Variants in ALMS1 observed in about 807,000 individuals in gnomAD.
The protein encoded by ALMS1 is ALMS1 centrosome and basal body associated protein.
ALMS1 carries 271 observed loss-of-function variants against 352.2 expected under a neutral mutation model. That is an observed-to-expected ratio of 0.77 (90% confidence interval 0.70 to 0.85). The LOEUF is 0.85. Among genes scored for constraint, ALMS1 ranks in the 40% least tolerant of loss-of-function variants. The pLI, the probability that ALMS1 is intolerant of heterozygous loss-of-function variation, is 0.00. For missense variants in ALMS1, 5,445 were observed against 4,870.7 expected (o/e 1.12, Z -3.51); for synonymous variants, 1,865 against 1,761.2 (o/e 1.06, Z -1.48).
chr2:73,425,023 T>G, intron 5 of ALMS1, 121 bp downstream of exon 5: 2 of 787,672 alleles, frequency 2.5e-6, no homozygotes, highest in Non-Finnish European at 4.0e-6. Context: ...GAGGGAACTT[T>G]GCACCACCCA....
chr2:73,425,011 A>G (rs1185630753), intron 5 of ALMS1, 109 bp downstream of exon 5: 2 of 935,170 alleles, frequency 2.1e-6, no homozygotes, highest in Non-Finnish European at 3.2e-6. Context: ...CCATGGAACA[A>G]AGAGGGAACT....
chr2:73,393,155 G>A (rs1670684608), intron 1 of ALMS1, among the ~76,000 whole-genome samples: 1 of 148,450 alleles, frequency 6.7e-6, no homozygotes, highest in African/African-American at 2.6e-5. Context: ...TTTACTATTG[G>A]ATTGTAAGAA....
chr2:73,552,688 C>T (rs945580821), intron 13 of ALMS1, among the ~76,000 whole-genome samples: 1 of 152,172 alleles, frequency 6.6e-6, no homozygotes, highest in Non-Finnish European at 1.5e-5. Context: ...TCCTTAGTAG[C>T]CATTTCACCT....
chr2:73,385,943 A>AGGAG lies in ALMS1; in HGVS notation c.76_77insGAGG (p.Glu26GlyfsTer102), dbSNP rs779179743. Reference sequence around the variant, plus strand: ...AGGAGGAGGAGGAGGAGGAGGAGGAAGAGGAGGAGGCTGCAGCGGCGGCGG... The same window carrying AGGAG: ...AGGAGGAGGAGGAGGAGGAGGAGGAAGGAGGAGGAGGAGGCTGCAGCGGCGGCGG... On this transcript the variant is annotated frameshift_variant, in exon 1 of 23. Coordinates refer to ENST00000613296, the MANE Select transcript of ALMS1 (RefSeq NM_001378454.1). LOFTEE classifies it high-confidence loss of function. 1.0e-4 allele frequency: 77 copies of AGGAG among 735,478 alleles called. No individual in the cohort carries two copies. In the Admixed American group the frequency reaches 1.5e-3, roughly 14 times the overall value. The allele number at this position is 735,478 out of a possible 1,614,324, so 45.6% of individuals were successfully genotyped here. A position where few individuals can be genotyped will look rare whatever the true frequency, so the allele number is the denominator to read the frequency against.
rs566648077 is a variant in ALMS1 at position 73,454,070 on chromosome 2, A to G, written c.7540+3A>G. 3.6e-5 allele frequency: 58 copies of G among 1,606,218 alleles called. No homozygotes were observed. The South Asian group carries it at 5.9e-4, about 16-fold the overall frequency. Reference sequence around the variant, plus strand: ...GGAAAGCCGGGTACGAGCACATGGTAAGAAGAAAGTTTCAGGCTTATAAAC... The same window carrying G: ...GGAAAGCCGGGTACGAGCACATGGTGAGAAGAAAGTTTCAGGCTTATAAAC... On this transcript the variant is annotated splice_donor_region_variant and intron_variant, in intron 8 of 22. Coordinates refer to ENST00000613296, the MANE Select transcript of ALMS1 (RefSeq NM_001378454.1).
chr2:73,577,428 C>G (rs1041343737), intron 16 of ALMS1, among the ~76,000 whole-genome samples: 1 of 151,182 alleles, frequency 6.6e-6, no homozygotes, highest in Admixed American at 6.6e-5. Flanking sequence ...TCATTTATCT[C>G]CATTGAATCT....
At chr2:73,478,006 T>C (rs1233411888) in intron 9 of ALMS1, among the ~76,000 whole-genome samples, 1 of 152,206 alleles carries the variant, frequency 6.6e-6, no homozygotes, top group Non-Finnish European at 1.5e-5. Flanking sequence ...TGATACTGAA[T>C]AGAAGAGGTA....
At chr2:73,558,838 A>G in intron 14 of ALMS1, 134 bp from the exon 15 acceptor site, 1 of 962,292 alleles carries the variant, frequency 1.0e-6, no homozygotes, top group Non-Finnish European at 1.5e-6. Context: ...ATTATTTTCT[A>G]AACGCATTTC....
At chr2:73,586,458 T>C (rs1389174131) in intron 16 of ALMS1, among the ~76,000 whole-genome samples, 1 of 152,220 alleles carries the variant, frequency 6.6e-6, no homozygotes, top group Admixed American at 6.5e-5. Context: ...TTCATTCTCC[T>C]ATATGTGGCT....
At chr2:73,556,949 G>A (rs937100162) in intron 13 of ALMS1, among the ~76,000 whole-genome samples, 4 of 151,992 alleles carry the variant, frequency 2.6e-5, no homozygotes, top group African/African-American at 7.2e-5. Context: ...TGATCCACCC[G>A]CCTCAGCCTC....
At chr2:73,568,464 A>G (rs1313101294) in intron 15 of ALMS1, among the ~76,000 whole-genome samples, 1 of 152,228 alleles carries the variant, frequency 6.6e-6, no homozygotes, top group Non-Finnish European at 1.5e-5. Context: ...TTGGAAGAAT[A>G]AACTATTGGA....
chr2:73,392,514 C>T (rs760879078), intron 1 of ALMS1, among the ~76,000 whole-genome samples: 12 of 152,122 alleles, frequency 7.9e-5, no homozygotes, highest in South Asian at 4.1e-4. Context: ...TGATATCCCC[C>T]GTCTTCCATT....
chr2:73,404,536 T>G (rs2103665559), intron 1 of ALMS1, among the ~76,000 whole-genome samples: 1 of 152,262 alleles, frequency 6.6e-6, no homozygotes, highest in South Asian at 2.1e-4. Context: ...TCATTTGAGA[T>G]GATCATGTGG....
At chr2:73,402,589 C>T (rs963248112) in intron 1 of ALMS1, among the ~76,000 whole-genome samples, 1 of 152,118 alleles carries the variant, frequency 6.6e-6, no homozygotes, top group African/African-American at 2.4e-5. Context: ...CTTTAGAAAA[C>T]TTTATACTGT....
Position 73,572,800 on chromosome 2 carries a change from A to C in ALMS1, c.10923A>C (p.Thr3641=), listed in dbSNP as rs879223990. 1 of 1,613,988 alleles carries C rather than the reference A, an allele frequency of 6.2e-7. No homozygotes were observed. The highest frequency in any genetic ancestry group is 1.3e-5 in the African/African-American group (1 of 74,926). Residue 3641 remains threonine, a synonymous_variant, in exon 16 of 23, where the codon ACA becomes ACC. Transcript: ENST00000613296. ...RLAKILQNPI[T]HSLQVSESTH... ...CTAAAATTCTTCAGAATCCAATCAC[A>C]CATTCTCTCCAGGTCTCAGAAAGTA...
intron 11 of ALMS1, among the ~76,000 whole-genome samples, chr2:73,528,179 C>T (rs970255782): frequency 1.3e-5 from 2 of 152,076 alleles, no homozygotes; most frequent in African/African-American, 4.8e-5. Flanking sequence ...TATGACCTGT[C>T]CTTGAGAATG....
intron 14 of ALMS1, 99 bp from the exon 15 acceptor site, chr2:73,558,873 C>T (rs955536665): frequency 2.3e-6 from 3 of 1,281,036 alleles, no homozygotes; most frequent in African/African-American, 3.0e-5. Context: ...TCTTCAATAT[C>T]AGTAACAAAG....
chr2:73,462,814 C>T (rs1045834148), intron 9 of ALMS1: 2 of 152,048 alleles, frequency 1.3e-5, no homozygotes, highest in African/African-American at 2.4e-5. Flanking sequence ...ATCCTAGTCT[C>T]TGATAAAACA....
At chr2:73,587,396 A>G (rs146694731) in intron 16 of ALMS1, among the ~76,000 whole-genome samples, 49 of 152,284 alleles carry the variant, frequency 3.2e-4, no homozygotes, top group African/African-American at 1.1e-3. Flanking sequence ...CCCATTCAGT[A>G]TAATTTTGGT....
Sources: allele counts gnomAD v4.1 joint callset (sites outside exome capture counted in the v4.1 genomes callset), GRCh38; gene constraint gnomAD v4.1.1; transcripts MANE v1.5; gene names NCBI Gene and HGNC (gene_info 2026-07-23, HGNC 2026-07-21).